MID2: variants seen among roughly 807,000 people sequenced by gnomAD.
The protein encoded by MID2 is midline 2, also known as probable E3 ubiquitin-protein ligase MID2.
In MID2, 13 loss-of-function variants were observed where a neutral mutation model predicts 46.1. That is an observed-to-expected ratio of 0.28 (90% CI 0.18 to 0.45). The LOEUF (loss-of-function observed/expected upper bound fraction) is 0.45. Among genes scored for constraint, MID2 ranks in the 20% least tolerant of loss-of-function variants. The pLI is 1.00. For missense variants in MID2, 431 were observed against 575.4 expected (o/e 0.75, Z 2.57); for synonymous variants, 199 against 212.3 (o/e 0.94, Z 0.55).
intron 5 of MID2, among the ~76,000 whole-genome samples, chrX:107,909,231 A>C (rs1932863593): frequency 9.0e-6 from 1 of 111,483 alleles, no homozygotes; most frequent in African/African-American, 3.3e-5. Flanking sequence ...TAGTCTAGAG[A>C]CAATTTTTCT....
intron 3 of MID2, among the ~76,000 whole-genome samples, chrX:107,883,572 T>A (rs1932378838): frequency 8.9e-6 from 1 of 112,660 alleles, no homozygotes; most frequent in Non-Finnish European, 1.9e-5. Flanking sequence ...CTATCATTTT[T>A]AAGTTTTCCT....
Position 107,928,332 on chromosome X carries a change from C to T in MID2, c.*1259C>T, listed in dbSNP as rs987945096. Among the ~76,000 whole-genome samples, 6 of 111,467 alleles carry T rather than the reference C, an allele frequency of 5.4e-5. No homozygotes were observed. The South Asian group carries it at 1.9e-3, about 35-fold the overall frequency. ...TTCATTCTCTTAGCCAATCCCTCCA[C>T]GCAAATGGAGACAAACTTCATCCCA... On this transcript the variant is annotated 3_prime_UTR_variant, in exon 10 of 10. Coordinates refer to ENST00000262843, the MANE Select transcript of MID2 (RefSeq NM_012216.4).
chrX:107,880,420 C>A (rs1932293857), intron 3 of MID2, among the ~76,000 whole-genome samples: 1 of 111,390 alleles, frequency 9.0e-6, no homozygotes, highest in Admixed American at 9.5e-5. Flanking sequence ...CTGTGCCTAG[C>A]TTAGGGTTTT....
rs974358718 is a variant in MID2 at position 107,930,009 on chromosome X, T to G, written c.*2936T>G. The stretch of plus-strand genomic sequence containing the variant: ...AGAACATAGGCAGGAATTTACATTT[T>G]TGACAAGCTCCTCATGATTCTGATG... On this transcript the variant is annotated 3_prime_UTR_variant, in exon 10 of 10. Coordinates refer to ENST00000262843, the MANE Select transcript of MID2 (RefSeq NM_012216.4). Among the ~76,000 whole-genome samples the G allele has an allele frequency of 4.5e-5, 5 of 111,944 alleles. No individual in the cohort carries two copies. Among genetic ancestry groups the G allele is most frequent in the African/African-American group, 1.6e-4 (5 of 30,874 alleles).
intron 1 of MID2, among the ~76,000 whole-genome samples, 197 bp downstream of exon 1, chrX:107,826,627 A>T (rs1930954783): frequency 8.9e-6 from 1 of 112,252 alleles, no homozygotes. Flanking sequence ...TCCGGCTCTC[A>T]GTCATGCTGT....
chrX:107,891,823 C>G (rs772867430), intron 3 of MID2, among the ~76,000 whole-genome samples: 2 of 111,572 alleles, frequency 1.8e-5, no homozygotes, highest in African/African-American at 3.3e-5. Flanking sequence ...TCTCTACTCC[C>G]TCAGCTTAGA....
chrX:107,899,724 A>G (rs1932780123), intron 3 of MID2, among the ~76,000 whole-genome samples: 1 of 109,443 alleles, frequency 9.1e-6, no homozygotes, highest in Non-Finnish European at 1.9e-5. Context: ...ACCTAATGGT[A>G]TTTTCAAGGA....
chrX:107,905,488 T>G lies in MID2; in HGVS notation c.935T>G (p.Leu312Arg). ...ACTAATTCCTTAAAGGTTATGAAAC[T>G]GAGAAAGTTGGCACAGCAGGTTGCT... ...VKIKETKVMKLRKLAQQVANC... is the reference protein window; with the variant it reads ...VKIKETKVMKRRKLAQQVANC... Residue 312 changes from leucine to arginine, a missense_variant, in exon 5 of 10, where the codon CTG becomes CGG. Coordinates refer to ENST00000262843, the MANE Select transcript of MID2 (RefSeq NM_012216.4). The G allele has an allele frequency of 1.7e-6, 2 of 1,203,260 alleles. No individual in the cohort carries two copies. The highest frequency in any genetic ancestry group is 2.2e-6 in the Non-Finnish European group (2 of 890,911).
intron 2 of MID2, among the ~76,000 whole-genome samples, chrX:107,849,867 C>T (rs1369669044): frequency 1.8e-5 from 2 of 112,028 alleles, no homozygotes; most frequent in Non-Finnish European, 3.8e-5. Flanking sequence ...AAGGGAAGCA[C>T]ACAAAGACCC....
At chrX:107,827,804 T>C (rs1346951214) in intron 1 of MID2, among the ~76,000 whole-genome samples, 2 of 99,929 alleles carry the variant, frequency 2.0e-5, no homozygotes, top group African/African-American at 7.4e-5. Context: ...AGGGAGAAAC[T>C]GTCTTTGCTA....
At chrX:107,916,199 T>C (rs1232232523) in intron 6 of MID2, 70 bp downstream of exon 6, 1 of 845,611 alleles carries the variant, frequency 1.2e-6, no homozygotes, top group Non-Finnish European at 1.6e-6. Context: ...TTAAAAATAA[T>C]TTGAAAAAGA....
intron 2 of MID2, among the ~76,000 whole-genome samples, chrX:107,842,132 C>G (rs1175183483): frequency 8.9e-6 from 1 of 112,477 alleles, no homozygotes; most frequent in Non-Finnish European, 1.9e-5. Context: ...AATTTTGTGA[C>G]AGTGCTCACT....
chrX:107,887,155 A>G (rs1932471805), intron 3 of MID2, among the ~76,000 whole-genome samples: 1 of 111,503 alleles, frequency 9.0e-6, no homozygotes, highest in African/African-American at 3.3e-5. Flanking sequence ...AACTTCCAAC[A>G]CTGTGTTGAA....
chrX:107,853,101 A>G (rs1407406734), intron 2 of MID2, among the ~76,000 whole-genome samples: 1 of 111,101 alleles, frequency 9.0e-6, no homozygotes, highest in African/African-American at 3.3e-5. Flanking sequence ...AAAAAAGCCC[A>G]TGATTAATCT....
chrX:107,889,156 T>C (rs1203732060), intron 3 of MID2, among the ~76,000 whole-genome samples: 1 of 111,545 alleles, frequency 9.0e-6, no homozygotes, highest in Admixed American at 9.5e-5. Context: ...AATTTGATCC[T>C]GTCATTATGA....
At chrX:107,926,021 G>A in intron 8 of MID2, 73 bp from the exon 9 acceptor site, 1 of 782,740 alleles carries the variant, frequency 1.3e-6, no homozygotes, top group Non-Finnish European at 1.9e-6. Flanking sequence ...CAGTGATGAT[G>A]CTGGTGGAAA....
At chrX:107,869,731 G>A (rs1932028159) in intron 3 of MID2, among the ~76,000 whole-genome samples, 1 of 110,409 alleles carries the variant, frequency 9.1e-6, no homozygotes, top group African/African-American at 3.3e-5. Flanking sequence ...CTGTGAATGG[G>A]TTACTTTTCT....
At chrX:107,926,614 A>G in intron 9 of MID2, 57 bp from the exon 10 acceptor site, 1 of 1,082,114 alleles carries the variant, frequency 9.2e-7, no homozygotes, top group Non-Finnish European at 1.3e-6. Context: ...ATGGTGTCTT[A>G]CACAACTCAG....
At chrX:107,921,491 A>G (rs1238077577) in intron 7 of MID2, among the ~76,000 whole-genome samples, 1 of 111,059 alleles carries the variant, frequency 9.0e-6, no homozygotes, top group Non-Finnish European at 1.9e-5. Context: ...GCTTCATCAA[A>G]CCATCTCATC....
Sources: allele counts gnomAD v4.1 joint callset (sites outside exome capture counted in the v4.1 genomes callset), GRCh38; gene constraint gnomAD v4.1.1; transcripts MANE v1.5; gene names NCBI Gene and HGNC (gene_info 2026-07-23, HGNC 2026-07-21).